The following SYT14 variants were observed in gnomAD, a reference collection of about 807,000 sequenced individuals.
SYT14 encodes the protein synaptotagmin 14.
In SYT14, 32 loss-of-function variants were observed where a neutral mutation model predicts 74.2. The observed-to-expected ratio is 0.43, with a 90% CI of 0.33 to 0.58. The LOEUF (loss-of-function observed/expected upper bound fraction) is 0.58, where lower values mean the gene tolerates loss of function less well. SYT14 is among the 20% of genes least tolerant of loss of function. The pLI is 0.05. For synonymous variants in SYT14, 298 were observed against 337.7 expected (o/e 0.88, Z 1.29); for missense variants, 791 against 981.8 (o/e 0.81, Z 2.60).
intron 2 of SYT14, among the ~76,000 whole-genome samples, chr1:209,991,997 C>T (rs1261352698): frequency 5.9e-5 from 9 of 152,136 alleles, no homozygotes; most frequent in Admixed American, 5.9e-4. Context: ...AATCTCATTA[C>T]TTAGTATAGG....
At position 209,970,662 on chromosome 1, in the gene SYT14, C is replaced by CTTTTTTTTTTTTTTTTT. The variant is rs35639848; in HGVS notation, c.-486+17929_-486+17945dup. ...TTACAGATTGCTTTGGGCAGTATGG[C>CTTTTTTTTTTTTTTTTT]TTTTTTTTTTTTTTTTTTTTTTTTT... On this transcript the variant is annotated intron_variant, in intron 2 of 9. Transcript: ENST00000637265. Among the ~76,000 whole-genome samples the CTTTTTTTTTTTTTTTTT allele has an allele frequency of 1.1e-4, 7 of 62,788 alleles. 1 individual carries two copies. Among genetic ancestry groups the CTTTTTTTTTTTTTTTTT allele is most frequent in the Admixed American group, 2.3e-4 (1 of 4,396 alleles). 41.2% of individuals were successfully genotyped at this position (62,788 alleles called of 152,430 possible). A position where few individuals can be genotyped will look rare whatever the true frequency, so the allele number is the denominator to read the frequency against.
chr1:210,109,409 C>T (rs1320144949), intron 7 of SYT14, among the ~76,000 whole-genome samples: 2 of 151,872 alleles, frequency 1.3e-5, no homozygotes, highest in East Asian at 1.9e-4. Context: ...GAAATCCCGT[C>T]GCTAATAAAA....
chr1:210,043,942 C>T (rs2080840704), intron 5 of SYT14, among the ~76,000 whole-genome samples: 1 of 152,080 alleles, frequency 6.6e-6, no homozygotes, highest in African/African-American at 2.4e-5. Flanking sequence ...CCGAGAATTT[C>T]TGTAATATGG....
intron 7 of SYT14, among the ~76,000 whole-genome samples, chr1:210,115,731 C>T (rs2082347295): frequency 6.6e-6 from 1 of 151,180 alleles, no homozygotes; most frequent in Non-Finnish European, 1.5e-5. Context: ...GTTCCTTGGG[C>T]TGGTTGGTCT....
At chr1:209,983,743 C>G (rs926395057) in intron 2 of SYT14, among the ~76,000 whole-genome samples, 1 of 152,102 alleles carries the variant, frequency 6.6e-6, no homozygotes, top group Admixed American at 6.6e-5. Context: ...ATTCTTTTAT[C>G]TTGAGAATGG....
intron 5 of SYT14, among the ~76,000 whole-genome samples, chr1:210,056,843 T>TATTTATTG (rs2081108258): frequency 6.6e-6 from 1 of 151,228 alleles, no homozygotes; most frequent in Admixed American, 6.6e-5. Flanking sequence ...TATTATTATT[T>TATTTATTG]ATTTATTTAT....
exon 10 of SYT14, chr1:210,162,044 A>T: frequency 4.5e-6 from 2 of 447,886 alleles, no homozygotes; most frequent in Non-Finnish European, 8.9e-6. Flanking sequence ...TCAAAATAAG[A>T]AACTGTTCTC....
At chr1:210,145,689 C>T (rs2083018442) in intron 7 of SYT14, among the ~76,000 whole-genome samples, 1 of 152,130 alleles carries the variant, frequency 6.6e-6, no homozygotes, top group Admixed American at 6.5e-5. Flanking sequence ...TCCACCCCCT[C>T]CCCATATACA....
intron 5 of SYT14, among the ~76,000 whole-genome samples, chr1:210,022,192 T>G (rs985971417): frequency 1.3e-5 from 2 of 152,234 alleles, no homozygotes; most frequent in East Asian, 3.8e-4. Flanking sequence ...CTTAAAGTTT[T>G]ATCCCAGCAT....
rs539096319 is a variant in SYT14 at position 210,152,314 on chromosome 1, T to G, written c.2035-3407T>G. Among the ~76,000 whole-genome samples the G allele has an allele frequency of 7.9e-5, 12 of 152,332 alleles. No individual in the cohort carries two copies. The South Asian group carries it at 2.5e-3, about 32-fold the overall frequency. On this transcript the variant is annotated intron_variant, in intron 7 of 9. Transcript: ENST00000637265. ...TCAGGCTCCAGGTATGTATTAATTC[T>G]CCTTCATTACTTCTACAGCCAGTAG...
chr1:209,965,134 T>C (rs902988064), intron 2 of SYT14, among the ~76,000 whole-genome samples: 1 of 152,210 alleles, frequency 6.6e-6, no homozygotes, highest in African/African-American at 2.4e-5. Flanking sequence ...CATGGATATA[T>C]TAATATACTG....
chr1:210,167,851 C>A (rs1360491808), exon 10 of SYT14: 1 of 152,050 alleles, frequency 6.6e-6, no homozygotes, highest in Non-Finnish European at 1.5e-5. Context: ...TCTTCCCTGC[C>A]TTTTTTCCCC....
intron 7 of SYT14, among the ~76,000 whole-genome samples, chr1:210,117,333 T>A (rs928852452): frequency 2.6e-5 from 4 of 152,148 alleles, no homozygotes; most frequent in Non-Finnish European, 5.9e-5. Flanking sequence ...CTTTATATTA[T>A]AAGGAAATAC....
rs115537682 is a variant in SYT14, at chr1:210,067,707, C to T, written c.1313-26615C>T. The stretch of plus-strand genomic sequence containing the variant: ...TCTTTTATGTCCTCATCAATGCTTA[C>T]ATTTGCTAGATTTTTGCATTTTTGG... On this transcript the variant is annotated intron_variant, in intron 5 of 9. Coordinates refer to ENST00000637265, the Ensembl canonical transcript of SYT14. Among the ~76,000 whole-genome samples the T allele has an allele frequency of 2.9e-3, 444 of 151,996 alleles. 2 individuals are homozygous for T. The highest frequency in any genetic ancestry group is 9.8e-3 in the African/African-American group (409 of 41,528).
At chr1:210,040,269 C>T (rs1469696484) in intron 5 of SYT14, among the ~76,000 whole-genome samples, 2 of 152,014 alleles carry the variant, frequency 1.3e-5, no homozygotes, top group Non-Finnish European at 2.9e-5. Flanking sequence ...AACACAGGAA[C>T]AGAAAACCAA....
chr1:210,059,998 A>T (rs1390268501), intron 5 of SYT14, among the ~76,000 whole-genome samples: 2 of 152,158 alleles, frequency 1.3e-5, no homozygotes, highest in African/African-American at 2.4e-5. Flanking sequence ...ATTCCATTGT[A>T]TGAGAGGTAT....
chr1:209,998,642 A>G (rs1233022965), intron 2 of SYT14, among the ~76,000 whole-genome samples: 1 of 152,084 alleles, frequency 6.6e-6, no homozygotes, highest in African/African-American at 2.4e-5. Context: ...AAATAAATCT[A>G]TGTATTTATA....
intron 1 of SYT14, among the ~76,000 whole-genome samples, chr1:209,938,670 CTTTCT>C (rs2078677359): frequency 6.6e-6 from 1 of 152,108 alleles, no homozygotes; most frequent in Admixed American, 6.5e-5. Context: ...TCAGGCTGCC[CTTTCT>C]TTTCTTTCCC....
At chr1:209,944,299 C>A (rs1013942532) in intron 1 of SYT14, among the ~76,000 whole-genome samples, 2 of 152,086 alleles carry the variant, frequency 1.3e-5, no homozygotes, top group Non-Finnish European at 2.9e-5. Flanking sequence ...GAGCATCTGG[C>A]AGTCAAAAAC....
Sources: allele counts gnomAD v4.1 joint callset (sites outside exome capture counted in the v4.1 genomes callset), GRCh38; gene constraint gnomAD v4.1.1; transcripts MANE v1.5; gene names NCBI Gene and HGNC (gene_info 2026-07-23, HGNC 2026-07-21).